Variants in DGKD observed in about 807,000 individuals in gnomAD.
DGKD encodes DAG kinase delta.
In DGKD, 68 loss-of-function variants were observed where a neutral mutation model predicts 154.4. That is an observed-to-expected ratio of 0.44 (90% confidence interval 0.36 to 0.54). The LOEUF (loss-of-function observed/expected upper bound fraction) is 0.54, where lower values mean the gene tolerates loss of function less well. Ranked by LOEUF, DGKD falls within the 20% of genes least tolerant of loss-of-function variation. DGKD has a pLI of 0.00. For missense variants in DGKD, 1,343 were observed against 1,593.6 expected (o/e 0.84, Z 2.68); for synonymous variants, 693 against 638.0 (o/e 1.09, Z -1.30).
chr2:233,396,576 G>A (rs1313733915), intron 3 of DGKD, among the ~76,000 whole-genome samples: 2 of 152,204 alleles, frequency 1.3e-5, no homozygotes, highest in Non-Finnish European at 2.9e-5. Flanking sequence ...AGTACATGGT[G>A]CCTGATATGT....
chr2:233,377,098 T>C (rs1268253389), intron 1 of DGKD, among the ~76,000 whole-genome samples: 1 of 149,262 alleles, frequency 6.7e-6, no homozygotes, highest in Non-Finnish European at 1.5e-5. Context: ...TTTTTTTTTT[T>C]GGAGACGGAG....
Position 233,440,779 on chromosome 2 carries a change from G to C in DGKD, c.1086-1108G>C, listed in dbSNP as rs957027159. ...TAAAGCAAGGCCCGTGGCCAGGCTCGTGTTTTAGAAAGGTCTTCCTGGAAC... is the reference window on the plus strand; with the variant it reads ...TAAAGCAAGGCCCGTGGCCAGGCTCCTGTTTTAGAAAGGTCTTCCTGGAAC... On this transcript the variant is annotated intron_variant, in intron 9 of 29. Coordinates refer to ENST00000264057, the MANE Select transcript of DGKD (RefSeq NM_152879.3). The surrounding 1 kb of genome is among the most constrained non-coding windows in gnomAD (Gnocchi z 4.9). Among the ~76,000 whole-genome samples, 1 of 152,184 alleles carries C rather than the reference G, an allele frequency of 6.6e-6. No homozygotes were observed. Among genetic ancestry groups the C allele is most frequent in the Non-Finnish European group, 1.5e-5 (1 of 68,036 alleles).
intron 1 of DGKD, among the ~76,000 whole-genome samples, chr2:233,378,460 G>C (rs1702708489): frequency 6.6e-6 from 1 of 150,934 alleles, no homozygotes; most frequent in Non-Finnish European, 1.5e-5. Flanking sequence ...GTGTTGCCTA[G>C]GCTGGTCTCA....
intron 3 of DGKD, among the ~76,000 whole-genome samples, chr2:233,396,695 A>G (rs1704056969): frequency 6.6e-6 from 1 of 152,176 alleles, no homozygotes; most frequent in Non-Finnish European, 1.5e-5. Context: ...TGAGGGAAGC[A>G]TGAGCCTGAG....
At chr2:233,443,490 G>A (rs1302332750) in intron 10 of DGKD, among the ~76,000 whole-genome samples, 1 of 151,780 alleles carries the variant, frequency 6.6e-6, no homozygotes, top group African/African-American at 2.4e-5. Flanking sequence ...CATGATTTTT[G>A]TCAACGTCTG....
intron 1 of DGKD, among the ~76,000 whole-genome samples, chr2:233,372,520 G>C (rs1301411491): frequency 2.6e-5 from 4 of 152,092 alleles, no homozygotes; most frequent in Non-Finnish European, 5.9e-5. Flanking sequence ...CTTTCTCTCT[G>C]TGGTTGCTGA....
At chr2:233,462,197 C>T (rs1559181122) in intron 24 of DGKD, 151 bp from the exon 25 acceptor site, 16 of 591,630 alleles carry the variant, frequency 2.7e-5, no homozygotes, top group Non-Finnish European at 4.1e-5. Flanking sequence ...ACTGAACGGT[C>T]GCTGGGCTGA....
rs2063485579 is a variant in DGKD, at chr2:233,457,125, T to C, written c.2473-96T>C. ...TGCCTGGGGATGCCCTGGCCACGGC[T>C]GTGCTCCTGAGCCCCTGGCGGTGGG... On this transcript the variant is annotated intron_variant, in intron 20 of 29. Transcript: ENST00000264057. This position sits in a 1 kb window ranked among gnomAD's most constrained non-coding sequence, Gnocchi z 5.5. 7.6e-7 allele frequency: 1 copy of C among 1,311,656 alleles called. No homozygotes were observed. The highest frequency in any genetic ancestry group is 1.1e-6 in the Non-Finnish European group (1 of 925,754). 81.3% of individuals were successfully genotyped at this position (1,311,656 alleles called of 1,614,324 possible).
rs894245841 is a variant in DGKD, at chr2:233,469,461, C to T, written c.*1C>T. 3 of 1,593,334 alleles carry T rather than the reference C, an allele frequency of 1.9e-6. No individual in the cohort carries two copies. Among genetic ancestry groups the T allele is most frequent in the South Asian group, 1.1e-5 (1 of 87,902 alleles). On this transcript the variant is annotated 3_prime_UTR_variant, in exon 30 of 30. Coordinates refer to ENST00000264057, the MANE Select transcript of DGKD (RefSeq NM_152879.3). ...CAGCGCCCCCGCCGTCGAGGCCTAG[C>T]CTCTGTCCTCTCAGCCTGTGGCCTC... is the stretch of plus-strand genomic sequence containing the variant.
At chr2:233,467,602 C>T (rs2063864640) in intron 28 of DGKD, among the ~76,000 whole-genome samples, 1 of 152,214 alleles carries the variant, frequency 6.6e-6, no homozygotes, top group African/African-American at 2.4e-5. Context: ...GGTCGAGGTT[C>T]CTGTGCTGGG....
chr2:233,437,612 G>T, intron 8 of DGKD, 133 bp downstream of exon 8: 5 of 888,966 alleles, frequency 5.6e-6, no homozygotes, highest in Non-Finnish European at 8.9e-6. Context: ...GCTGTTGGGG[G>T]TGCTGGAGGA....
At chr2:233,368,655 A>C (rs985604741) in intron 1 of DGKD, among the ~76,000 whole-genome samples, 1 of 152,166 alleles carries the variant, frequency 6.6e-6, no homozygotes, top group African/African-American at 2.4e-5. Flanking sequence ...TCCCCAGTAG[A>C]GGCAAATGTT....
chr2:233,362,200 G>T (rs1461728529), intron 1 of DGKD, among the ~76,000 whole-genome samples: 2 of 152,160 alleles, frequency 1.3e-5, no homozygotes, highest in African/African-American at 4.8e-5. Context: ...TGAACCAGAA[G>T]ATAGCTCAGA....
chr2:233,423,299 T>A (rs1227272791), intron 3 of DGKD, among the ~76,000 whole-genome samples: 2 of 152,178 alleles, frequency 1.3e-5, no homozygotes, highest in Non-Finnish European at 2.9e-5. Context: ...GGTCATATGC[T>A]AGTCACATGC....
chr2:233,451,924 T>C, intron 17 of DGKD, 40 bp from the exon 18 acceptor site: 1 of 1,579,920 alleles, frequency 6.3e-7, no homozygotes, highest in Non-Finnish European at 8.7e-7. Context: ...AGGCTGTAGC[T>C]CCTGACCAGC....
rs752631344 is a variant in DGKD at position 233,457,239 on chromosome 2, C to T, written c.2491C>T (p.Pro831Ser). 7.2e-6 allele frequency: 11 copies of T among 1,518,504 alleles called. No homozygotes were observed. The highest frequency in any genetic ancestry group is 9.7e-6 in the Non-Finnish European group (11 of 1,133,690). The allele number at this position is 1,518,504 out of a possible 1,614,324, so 94.1% of individuals were successfully genotyped here. ...TGCTCAGTGTGACGGGCGACCCATC[C>T]CACTCCCCAGTCTTCAGGGAATTGC... ...VLLECDGRPI[P>S]LPSLQGIAVL... Residue 831 changes from proline (P) to serine (S), a missense_variant, in exon 21 of 30, where the codon CCA becomes TCA. Pro to Ser is a moderately conservative substitution (Grantham distance 74). Coordinates refer to ENST00000264057, the MANE Select transcript of DGKD (RefSeq NM_152879.3). This position sits in a 1 kb window ranked among gnomAD's most constrained non-coding sequence, Gnocchi z 5.5.
intron 3 of DGKD, among the ~76,000 whole-genome samples, chr2:233,390,820 G>A (rs967218384): frequency 2.0e-5 from 3 of 152,122 alleles, no homozygotes; most frequent in African/African-American, 7.2e-5. Flanking sequence ...AGCAACTTCC[G>A]CCTCCCGAGT....
rs774071213 is a variant in DGKD, at chr2:233,458,264, C to T, written c.2581-20C>T. The T allele has an allele frequency of 6.2e-5, 97 of 1,563,920 alleles. No individual in the cohort carries two copies. Among genetic ancestry groups the T allele is most frequent in the Non-Finnish European group, 2.6e-6 (3 of 1,136,800 alleles). ...CGGGGATGTGTGGAGTGGTGGTCAG[C>T]TCTAACGTGTCCCTTGCAGACTTTC... On this transcript the variant is annotated intron_variant, in intron 21 of 29. Transcript: ENST00000264057. This position sits in a 1 kb window ranked among gnomAD's most constrained non-coding sequence, Gnocchi z 6.6.
At chr2:233,366,651 C>A (rs73995921) in intron 1 of DGKD, among the ~76,000 whole-genome samples, 4,762 of 152,198 alleles carry the variant, frequency 0.031, 231 homozygotes, top group African/African-American at 0.11. Flanking sequence ...GCCATGAAGC[C>A]ATGTAGGTCT....
Sources: gnomAD v4.1 joint callset for allele counts (sites outside exome capture counted in the v4.1 genomes callset) on GRCh38, gnomAD v4.1.1 for gene constraint, Gnocchi (gnomAD v3.1) non-coding constraint, MANE v1.5 for transcripts, NCBI Gene and HGNC (gene_info 2026-07-23, HGNC 2026-07-21) for gene names.